The following ZNF605 variants were observed in gnomAD, a reference collection of about 807,000 sequenced individuals.
The protein encoded by ZNF605 is zinc finger protein 605.
Under a neutral mutation model 7.9 loss-of-function variants are expected in ZNF605, and 9 were observed. The observed-to-expected ratio is 1.14, with a 90% CI of 0.68 to 1.98. The LOEUF is 1.98. Ranked by LOEUF, ZNF605 falls within the 30% of genes most tolerant of loss-of-function variation. The probability of loss-of-function intolerance (pLI) is 0.00; values close to 1 mark genes in which losing one functional copy is unlikely to be tolerated. For synonymous variants in ZNF605, 255 were observed against 260.1 expected, an observed-to-expected ratio of 0.98 and a Z score of 0.19; for missense variants, 673 against 762.4, an observed-to-expected ratio of 0.88 and a Z score of 1.38.
intron 3 of ZNF605, among the ~76,000 whole-genome samples, chr12:132,937,133 C>T (rs994829075): frequency 3.3e-5 from 5 of 152,056 alleles, no homozygotes; most frequent in East Asian, 3.9e-4. Flanking sequence ...CCGAGGCAGG[C>T]GGATCACCTG....
intron 1 of ZNF605, among the ~76,000 whole-genome samples, chr12:132,949,963 A>T (rs1566238548): frequency 1.3e-5 from 2 of 152,040 alleles, no homozygotes; most frequent in African/African-American, 4.8e-5. Flanking sequence ...TCGAGAAAAA[A>T]CATCCTGGAA....
chr12:132,940,830 T>A (rs1040265548), intron 3 of ZNF605, among the ~76,000 whole-genome samples: 1 of 152,010 alleles, frequency 6.6e-6, no homozygotes, highest in Non-Finnish European at 1.5e-5. Flanking sequence ...AGGTTTGGGG[T>A]ACGACTGATC....
Position 132,927,061 on chromosome 12 carries a change from T to G in ZNF605, c.238A>C (p.Asn80His). 1 of 1,604,192 alleles carries G rather than the reference T, an allele frequency of 6.2e-7. No individual in the cohort carries two copies. Among genetic ancestry groups the G allele is most frequent in the Admixed American group, 1.7e-5 (1 of 59,908 alleles). Residue 80 changes from asparagine (N) to histidine (H), a missense_variant, in exon 5 of 5, where the codon AAT becomes CAT. Physicochemically the swap from Asn to His is moderately conservative, Grantham distance 68 (BLOSUM62 1). Transcript: ENST00000360187. ...HKYDVFGKIF[N>H]SSINIVHVGL... ...ACATGAACAATGTTTATGCTTGAAT[T>G]AAATATTTTTCCAAAAACATCATAT...
intron 4 of ZNF605, among the ~76,000 whole-genome samples, chr12:132,929,368 G>T (rs1339809037): frequency 2.0e-5 from 3 of 152,156 alleles, no homozygotes; most frequent in Non-Finnish European, 4.4e-5. Flanking sequence ...CTGCGTGACT[G>T]AGTGAGACCC....
intron 2 of ZNF605, among the ~76,000 whole-genome samples, chr12:132,947,156 G>A (rs1952502617): frequency 6.6e-6 from 1 of 151,996 alleles, no homozygotes; most frequent in Non-Finnish European, 1.5e-5. Flanking sequence ...GGGATTACAA[G>A]TGCCCACCAT....
chr12:132,939,770 C>T (rs1952414408), intron 3 of ZNF605, among the ~76,000 whole-genome samples: 1 of 152,210 alleles, frequency 6.6e-6, no homozygotes, highest in Non-Finnish European at 1.5e-5. Context: ...ATAAATCTTG[C>T]TACTGCTCAC....
intron 2 of ZNF605, 84 bp downstream of exon 2, chr12:132,948,064 A>C (rs1698330079): frequency 6.6e-6 from 1 of 152,226 alleles, no homozygotes; most frequent in East Asian, 1.9e-4. Flanking sequence ...CATCTTAGGC[A>C]GAAGATGGAA....
At chr12:132,952,693 C>G (rs1438730625) in intron 1 of ZNF605, among the ~76,000 whole-genome samples, 1 of 151,708 alleles carries the variant, frequency 6.6e-6, no homozygotes, top group Admixed American at 6.6e-5. Context: ...GAGGTACAAA[C>G]AGCAAGGGGG....
chr12:132,938,835 G>C (rs1212234371), intron 3 of ZNF605, among the ~76,000 whole-genome samples: 10 of 151,722 alleles, frequency 6.6e-5, no homozygotes, highest in South Asian at 2.2e-4. Context: ...CTTGGTGGGC[G>C]CCGCACTCGG....
chr12:132,927,350 G>A (rs1367880485), intron 4 of ZNF605, among the ~76,000 whole-genome samples, 188 bp from the exon 5 acceptor site: 2 of 152,062 alleles, frequency 1.3e-5, no homozygotes, highest in African/African-American at 4.8e-5. Flanking sequence ...TTAAATACAT[G>A]AACTTTTATT....
At chr12:132,944,132 A>G (rs1952474406) in intron 3 of ZNF605, among the ~76,000 whole-genome samples, 1 of 152,112 alleles carries the variant, frequency 6.6e-6, no homozygotes, top group Non-Finnish European at 1.5e-5. Flanking sequence ...CTACATGTCA[A>G]CAAGCCTTGT....
Position 132,923,395 on chromosome 12 carries a change from A to T in ZNF605, c.*1978T>A, listed in dbSNP as rs1467495521. 3.9e-5 allele frequency: 6 copies of T among 152,140 alleles called. No homozygotes were observed. Among genetic ancestry groups the T allele is most frequent in the Non-Finnish European group, 8.8e-5 (6 of 68,016 alleles). The allele number at this position is 152,140 out of a possible 1,614,324, so 9.4% of individuals were successfully genotyped here. ...TCTACAGGTAATAAAATTACCTTTGATTTAGTTTCTCAGAAACAGTCTTTA... is the reference window on the plus strand; with the variant it reads ...TCTACAGGTAATAAAATTACCTTTGTTTTAGTTTCTCAGAAACAGTCTTTA... On this transcript the variant is annotated 3_prime_UTR_variant, in exon 5 of 5. Coordinates refer to ENST00000360187, the MANE Select transcript of ZNF605 (RefSeq NM_183238.4).
intron 1 of ZNF605, among the ~76,000 whole-genome samples, chr12:132,952,540 G>C (rs1381081955): frequency 6.6e-6 from 1 of 151,842 alleles, no homozygotes; most frequent in African/African-American, 2.4e-5. Context: ...GAGGCTTGTG[G>C]GAGGAGGTGG....
chr12:132,943,477 C>T (rs776674180), intron 3 of ZNF605, among the ~76,000 whole-genome samples: 8 of 152,124 alleles, frequency 5.3e-5, no homozygotes, highest in Non-Finnish European at 1.0e-4. Context: ...ACTTGGTGCA[C>T]GGCCAGCACA....
intron 4 of ZNF605, among the ~76,000 whole-genome samples, chr12:132,929,072 TA>T (rs1392758028): frequency 2.6e-5 from 4 of 151,696 alleles, no homozygotes; most frequent in African/African-American, 4.9e-5. Context: ...TACTCTTTTC[TA>T]GGGGGGAAAA....
chr12:132,950,146 A>AGGTCCCCCTGCCCTCCC (rs1244936388), intron 1 of ZNF605, among the ~76,000 whole-genome samples: 1 of 152,034 alleles, frequency 6.6e-6, no homozygotes, highest in Non-Finnish European at 1.5e-5. Flanking sequence ...CCTGAGATCA[A>AGGTCCCCCTGCCCTCCC]GGTCCCCCTG....
intron 4 of ZNF605, among the ~76,000 whole-genome samples, 187 bp from the exon 5 acceptor site, chr12:132,927,349 T>C (rs1952256984): frequency 6.6e-6 from 1 of 152,182 alleles, no homozygotes; most frequent in African/African-American, 2.4e-5. Context: ...TTTAAATACA[T>C]GAACTTTTAT....
chr12:132,951,085 G>A (rs1055149197), intron 1 of ZNF605, among the ~76,000 whole-genome samples: 5 of 148,926 alleles, frequency 3.4e-5, no homozygotes, highest in Non-Finnish European at 5.9e-5. Flanking sequence ...ACACTGATAC[G>A]TACATCACGC....
intron 3 of ZNF605, among the ~76,000 whole-genome samples, chr12:132,940,772 C>T (rs1952427976): frequency 6.6e-6 from 1 of 152,060 alleles, no homozygotes; most frequent in Non-Finnish European, 1.5e-5. Context: ...TCTTTAGATC[C>T]ACAAGTCCAT....
Sources: gnomAD v4.1 joint callset for allele counts (sites outside exome capture counted in the v4.1 genomes callset) on GRCh38, gnomAD v4.1.1 for gene constraint, MANE v1.5 for transcripts, NCBI Gene and HGNC (gene_info 2026-07-23, HGNC 2026-07-21) for gene names.